The following CEMIP2 variants were observed in gnomAD, a reference collection of about 807,000 sequenced individuals.
CEMIP2 encodes the protein cell surface hyaluronidase CEMIP2.
In CEMIP2, 79 loss-of-function variants were observed where a neutral mutation model predicts 146.9. That is an observed-to-expected ratio of 0.54 (90% CI 0.45 to 0.65). The LOEUF (loss-of-function observed/expected upper bound fraction) is 0.65, where lower values mean the gene tolerates loss of function less well. Among genes scored for constraint, CEMIP2 ranks in the 30% least tolerant of loss-of-function variants. The probability of loss-of-function intolerance (pLI) is 0.00; values close to 1 mark genes in which losing one functional copy is unlikely to be tolerated. For synonymous variants in CEMIP2, 601 were observed against 606.3 expected, an observed-to-expected ratio of 0.99 and a Z score of 0.13; for missense variants, 1,596 against 1,696.2, an observed-to-expected ratio of 0.94 and a Z score of 1.04.
intron 18 of CEMIP2, among the ~76,000 whole-genome samples, chr9:71,701,511 A>G (rs1822561679): frequency 6.6e-6 from 1 of 152,252 alleles, no homozygotes; most frequent in South Asian, 2.1e-4. Context: ...ATGGTTGGGT[A>G]TAGGTGTACA....
intron 17 of CEMIP2, among the ~76,000 whole-genome samples, chr9:71,705,173 C>T (rs1337530362): frequency 6.6e-6 from 1 of 152,136 alleles, no homozygotes; most frequent in African/African-American, 2.4e-5. Context: ...CTGATATCCT[C>T]TACTCAAATC....
At chr9:71,760,987 T>C (rs561378496) in intron 1 of CEMIP2, among the ~76,000 whole-genome samples, 1 of 152,338 alleles carries the variant, frequency 6.6e-6, no homozygotes, top group African/African-American at 2.4e-5. Context: ...TTCCCAGTGA[T>C]CCTAGACCAT....
At chr9:71,694,911 G>A (rs1216120163) in intron 20 of CEMIP2, among the ~76,000 whole-genome samples, 2 of 152,074 alleles carry the variant, frequency 1.3e-5, no homozygotes, top group Non-Finnish European at 2.9e-5. Flanking sequence ...ACATTTTATG[G>A]AAAAACAGGC....
chr9:71,722,380 C>T, intron 12 of CEMIP2, 47 bp downstream of exon 12: 1 of 1,489,272 alleles, frequency 6.7e-7, no homozygotes, highest in South Asian at 1.2e-5. Flanking sequence ...GAAAGTTTTG[C>T]TTTGGCAAAG....
chr9:71,702,429 T>C (rs912351066), intron 18 of CEMIP2, among the ~76,000 whole-genome samples: 1 of 148,180 alleles, frequency 6.7e-6, no homozygotes, highest in African/African-American at 2.5e-5. Context: ...ACCTAAATGT[T>C]CATGGGGTAA....
At chr9:71,687,998 A>C (rs1307337441) in intron 22 of CEMIP2, among the ~76,000 whole-genome samples, 1 of 152,180 alleles carries the variant, frequency 6.6e-6, no homozygotes, top group African/African-American at 2.4e-5. Context: ...GTGAGACTAC[A>C]GGTATGTGCC....
Position 71,715,030 on chromosome 9 carries a change from A to G in CEMIP2, c.2495T>C (p.Val832Ala). ...SSQEVSESLF[V>A]GESRNYGFQG... is the part of the protein sequence containing the mutation. ...AAAGCCGTAATTCCTGCTCTCCCCA[A>G]CAAAGAGAGATTCAGATACCTCTTG... The change falls in exon 15 of 24, where the codon GTT (valine) becomes GCT (alanine). Residue 832 changes from valine (V) to alanine (A), a missense_variant. Coordinates refer to ENST00000377044, the MANE Select transcript of CEMIP2 (RefSeq NM_013390.3). 6.2e-7 allele frequency: 1 copy of G among 1,613,966 alleles called. No individual in the cohort carries two copies. The highest frequency in any genetic ancestry group is 8.5e-7 in the Non-Finnish European group (1 of 1,179,942).
chr9:71,730,954 G>T, intron 7 of CEMIP2, 40 bp from the exon 8 acceptor site: 1 of 1,534,012 alleles, frequency 6.5e-7, no homozygotes, highest in East Asian at 2.3e-5. Context: ...ATACTTTTCA[G>T]AATAGGGAAG....
chr9:71,738,137 G>T (rs550803562), intron 5 of CEMIP2, among the ~76,000 whole-genome samples: 1 of 152,114 alleles, frequency 6.6e-6, no homozygotes, highest in Admixed American at 6.6e-5. Flanking sequence ...AAACCTCATG[G>T]AGGCAAAAAC....
At chr9:71,754,498 G>A (rs1199062151) in intron 1 of CEMIP2, among the ~76,000 whole-genome samples, 1 of 151,864 alleles carries the variant, frequency 6.6e-6, no homozygotes, top group Non-Finnish European at 1.5e-5. Flanking sequence ...TTTTTAAATG[G>A]TCGTATTTCT....
At chr9:71,728,194 TC>T (rs1214345522) in intron 10 of CEMIP2, among the ~76,000 whole-genome samples, 1 of 11,924 alleles carries the variant, frequency 8.4e-5, no homozygotes, top group Non-Finnish European at 1.5e-4. Flanking sequence ...AGCGAAACCT[TC>T]TCTCTCTCTC....
intron 22 of CEMIP2, 47 bp from the exon 23 acceptor site, chr9:71,685,893 ATGAGTATCTTTCTAC>A (rs762673871): frequency 6.7e-6 from 9 of 1,340,776 alleles, no homozygotes; most frequent in Admixed American, 3.4e-5. Flanking sequence ...ATCCTTCAGC[ATGAGTATCTTTCTAC>A]TGAGTATCTT....
At chr9:71,733,657 T>A (rs932203192) in intron 6 of CEMIP2, among the ~76,000 whole-genome samples, 2 of 152,202 alleles carry the variant, frequency 1.3e-5, no homozygotes, top group Admixed American at 6.5e-5. Flanking sequence ...TAAACTCTTT[T>A]GTTTTATACC....
chr9:71,685,849 G>A lies in CEMIP2; in HGVS notation c.3852-3C>T. On this transcript the variant is annotated splice_region_variant and splice_polypyrimidine_tract_variant and intron_variant, in intron 22 of 23. Coordinates refer to ENST00000377044, the MANE Select transcript of CEMIP2 (RefSeq NM_013390.3). ...TTGTGCTCAACAGAACAATGGACCTGTATGTGAAATTTAGAAAGTCAGAGC... is the reference window on the plus strand; with the variant it reads ...TTGTGCTCAACAGAACAATGGACCTATATGTGAAATTTAGAAAGTCAGAGC... 6.2e-7 allele frequency: 1 copy of A among 1,611,170 alleles called. No individual in the cohort carries two copies. The highest frequency in any genetic ancestry group is 8.5e-7 in the Non-Finnish European group (1 of 1,177,744).
intron 1 of CEMIP2, among the ~76,000 whole-genome samples, chr9:71,757,523 G>T (rs1434973759): frequency 6.6e-6 from 1 of 152,134 alleles, no homozygotes; most frequent in Non-Finnish European, 1.5e-5. Context: ...TGCCCAAAAA[G>T]TAAAAACATG....
chr9:71,696,272 C>T (rs996039585), intron 20 of CEMIP2, among the ~76,000 whole-genome samples: 1 of 152,090 alleles, frequency 6.6e-6, no homozygotes, highest in Admixed American at 6.5e-5. Context: ...AAATTTACTT[C>T]CCCACAAAGA....
At position 71,717,971 on chromosome 9, in the gene CEMIP2, T is replaced by C. The variant is rs769939849; in HGVS notation, c.2376A>G (p.Gly792=). ...ACGCTGAATTTTGAACGATAATATC[T>C]CCTCCTCTGACCCAAGCTCCATTAT... ...NNDNGAWVRG[G]DIIVQNSAFA... Residue 792 remains glycine, a synonymous_variant, in exon 13 of 24, where the codon GGA becomes GGG. Transcript: ENST00000377044. The C allele has an allele frequency of 3.1e-6, 5 of 1,609,828 alleles. No homozygotes were observed. The South Asian group carries it at 4.4e-5, about 14-fold the overall frequency.
In CEMIP2 at chr9:71,761,720, C is replaced by T. The variant is rs567434151; in HGVS notation, c.-13+6637G>A. Among the ~76,000 whole-genome samples the T allele has an allele frequency of 3.3e-5, 5 of 152,236 alleles. No homozygotes were observed. The South Asian group carries it at 1.0e-3, about 32-fold the overall frequency. ...GAGACCCAATAGTACAAAAAATAAA[C>T]ATGGTTCCTACATTCAAGAAGCTCA... On this transcript the variant is annotated intron_variant, in intron 1 of 23. Coordinates refer to ENST00000377044, the MANE Select transcript of CEMIP2 (RefSeq NM_013390.3).
rs766651585 is a variant in CEMIP2, at chr9:71,729,812, TA to T, written c.2049+32del. The T allele has an allele frequency of 3.7e-6, 6 of 1,601,638 alleles. No homozygotes were observed. In the Admixed American group the frequency reaches 1.0e-4, roughly 27 times the overall value. ...GACTATTTATAAACAAGAAAAACAT[TA>T]AAACATCTGAGGTCACTTTAACGTT... On this transcript the variant is annotated intron_variant, in intron 10 of 23. Transcript: ENST00000377044.
Sources: gnomAD v4.1 joint callset for allele counts (sites outside exome capture counted in the v4.1 genomes callset) on GRCh38, gnomAD v4.1.1 for gene constraint, MANE v1.5 for transcripts, NCBI Gene and HGNC (gene_info 2026-07-23, HGNC 2026-07-21) for gene names.